The following LVRN variants were observed in gnomAD, a reference collection of about 807,000 sequenced individuals.
The protein encoded by LVRN is aminopeptidase Q.
Under a neutral mutation model 111.4 loss-of-function variants are expected in LVRN, and 99 were observed. That is an observed-to-expected ratio of 0.89 (90% CI 0.76 to 1.05). The LOEUF (loss-of-function observed/expected upper bound fraction) is 1.05. LVRN is among the 50% of genes least tolerant of loss of function. The pLI, the probability that LVRN is intolerant of heterozygous loss-of-function variation, is 0.00. For synonymous variants in LVRN, 488 were observed against 449.5 expected (o/e 1.09, Z -1.08); for missense variants, 1,414 against 1,206.8 (o/e 1.17, Z -2.54).
rs1035150738 is a variant in LVRN, at chr5:116,011,308, A to G, written c.2247+414A>G. On this transcript the variant is annotated intron_variant, in intron 14 of 19. Transcript: ENST00000357872. Reference sequence around the variant, plus strand: ...GTTTATAATTTCAATATTCTGACTCATAGGAACAGCACTTAAATCCAGAGA... The same window carrying G: ...GTTTATAATTTCAATATTCTGACTCGTAGGAACAGCACTTAAATCCAGAGA... Among the ~76,000 whole-genome samples the G allele has an allele frequency of 2.6e-5, 4 of 152,036 alleles. No individual in the cohort carries two copies. The East Asian group carries it at 7.7e-4, about 29-fold the overall frequency.
chr5:115,987,791 C>T (rs1217039541), intron 3 of LVRN, 22 bp from the exon 4 acceptor site: 2 of 1,604,556 alleles, frequency 1.2e-6, no homozygotes, highest in African/African-American at 2.7e-5. Flanking sequence ...TTCCTAATCA[C>T]TGCTTAACTG....
chr5:115,978,391 A>G (rs1054838104), intron 1 of LVRN, among the ~76,000 whole-genome samples: 1 of 152,220 alleles, frequency 6.6e-6, no homozygotes, highest in African/African-American at 2.4e-5. Flanking sequence ...ATATTGAAAA[A>G]GCATAGCTTA....
intron 6 of LVRN, among the ~76,000 whole-genome samples, chr5:115,994,679 T>G (rs968615004): frequency 6.6e-6 from 1 of 152,222 alleles, no homozygotes; most frequent in Admixed American, 6.6e-5. Context: ...TTTGCTAATT[T>G]GAGTAAATAA....
intron 1 of LVRN, among the ~76,000 whole-genome samples, chr5:115,969,826 A>G (rs1753284489): frequency 1.3e-5 from 2 of 150,964 alleles, no homozygotes; most frequent in East Asian, 1.9e-4. Context: ...AAGATATTAT[A>G]ATTTTTATCT....
chr5:116,010,900 T>G lies in LVRN; in HGVS notation c.2247+6T>G. ...ATATATACTCATTATTAAAGGTAAT[T>G]TCATTCTTTCTTATGTAGTTTTTAA... On this transcript the variant is annotated splice_donor_region_variant and intron_variant, in intron 14 of 19. Transcript: ENST00000357872. The G allele has an allele frequency of 6.5e-7, 1 of 1,544,970 alleles. No homozygotes were observed. Among genetic ancestry groups the G allele is most frequent in the Middle Eastern group, 2.0e-4 (1 of 4,964 alleles).
At chr5:116,003,183 A>G (rs887128854) in intron 11 of LVRN, 58 bp from the exon 12 acceptor site, 12 of 1,415,808 alleles carry the variant, frequency 8.5e-6, no homozygotes, top group African/African-American at 1.5e-5. Flanking sequence ...TAGTATTAAT[A>G]GGTATTAAGA....
chr5:115,964,574 A>G (rs565048004), intron 1 of LVRN, among the ~76,000 whole-genome samples: 2 of 151,756 alleles, frequency 1.3e-5, no homozygotes, highest in Admixed American at 1.3e-4. Context: ...AGGAAAAAAT[A>G]GAAACACTTC....
At chr5:115,995,019 C>T (rs1392786097) in intron 6 of LVRN, among the ~76,000 whole-genome samples, 1 of 152,100 alleles carries the variant, frequency 6.6e-6, no homozygotes, top group Non-Finnish European at 1.5e-5. Context: ...CCAGTTGTTC[C>T]AAGGCTGGAT....
intron 1 of LVRN, among the ~76,000 whole-genome samples, chr5:115,965,920 G>A (rs955860751): frequency 6.6e-6 from 1 of 152,062 alleles, no homozygotes; most frequent in Non-Finnish European, 1.5e-5. Flanking sequence ...CTTCATAGCA[G>A]CATGAGTACG....
Position 115,992,171 on chromosome 5 carries a change from G to T in LVRN, c.1154G>T (p.Gly385Val), listed in dbSNP as rs776132785. ...GACAACCATGCAATGGAAAACTGGG[G>T]ACTAATGATATTTGATGAATCAGGA... is the stretch of plus-strand genomic sequence containing the variant. ...SFDNHAMENW[G>V]LMIFDESGLL... The change falls in exon 5 of 20, where the codon GGA becomes GTA. Residue 385 changes from glycine to valine, a missense_variant. By Grantham distance (109) the Gly-to-Val change is moderately radical. Coordinates refer to ENST00000357872, the MANE Select transcript of LVRN (RefSeq NM_173800.5). The T allele has an allele frequency of 3.1e-6, 5 of 1,613,680 alleles. No homozygotes were observed. The African/African-American group carries it at 5.3e-5, about 17-fold the overall frequency.
At chr5:115,999,721 A>T in intron 6 of LVRN, 41 bp from the exon 7 acceptor site, 1 of 1,598,008 alleles carries the variant, frequency 6.3e-7, no homozygotes, top group East Asian at 2.2e-5. Flanking sequence ...GTCTTCTGTG[A>T]CACCTCAGGA....
At chr5:115,980,777 AT>A (rs1040165489) in intron 1 of LVRN, among the ~76,000 whole-genome samples, 10 of 152,052 alleles carry the variant, frequency 6.6e-5, no homozygotes, top group African/African-American at 2.4e-4. Context: ...ATGAGCATGT[AT>A]TTTTTAATAT....
At chr5:116,005,445 G>A (rs889137738) in intron 12 of LVRN, among the ~76,000 whole-genome samples, 5 of 152,188 alleles carry the variant, frequency 3.3e-5, no homozygotes, top group Admixed American at 6.5e-5. Context: ...ATTCTGTCAC[G>A]TTAGTAAAAT....
chr5:116,015,675 C>A lies in LVRN; in HGVS notation c.2666C>A (p.Thr889Lys). Residue 889 changes from threonine to lysine, a missense_variant, in exon 18 of 20, where the codon ACA becomes AAA. Transcript: ENST00000357872. ...ISTSPFTSNETNIIEVVASSE... is the reference protein window; with the variant it reads ...ISTSPFTSNEKNIIEVVASSE... ...ACATCTCCATTCACTTCTAATGAAA[C>A]AAATATAATTGAGGTTGTGGCTTCA... is the stretch of plus-strand genomic sequence containing the variant. 1 of 1,613,216 alleles carries A rather than the reference C, an allele frequency of 6.2e-7. No individual in the cohort carries two copies. Among genetic ancestry groups the A allele is most frequent in the Non-Finnish European group, 8.5e-7 (1 of 1,179,506 alleles).
intron 4 of LVRN, 104 bp from the exon 5 acceptor site, chr5:115,992,019 C>T (rs62386564): frequency 0.071 from 77,339 of 1,089,370 alleles, 3,317 homozygotes; most frequent in Non-Finnish European, 0.085. Context: ...ATAAATATTC[C>T]CTTGAATTTT....
chr5:116,006,763 C>T (rs1015404874), intron 13 of LVRN, among the ~76,000 whole-genome samples: 1 of 152,126 alleles, frequency 6.6e-6, no homozygotes, highest in African/African-American at 2.4e-5. Context: ...ATGTAAGGTC[C>T]TCAGTAAATG....
At chr5:115,988,207 G>A (rs755220934) in intron 4 of LVRN, among the ~76,000 whole-genome samples, 13 of 152,154 alleles carry the variant, frequency 8.5e-5, no homozygotes, top group South Asian at 4.1e-4. Flanking sequence ...GCAGCCTCCC[G>A]TCCTCTAGAC....
At chr5:116,020,540 A>T (rs73783060) in intron 18 of LVRN, among the ~76,000 whole-genome samples, 8,023 of 152,306 alleles carry the variant, frequency 0.053, 595 homozygotes, top group African/African-American at 0.16. Context: ...GTTATTATAT[A>T]GCCTAAAGTC....
rs370891912 is a variant in LVRN at position 115,992,191 on chromosome 5, T to A, written c.1174T>A (p.Ser392Thr). The A allele has an allele frequency of 1.9e-6, 3 of 1,613,994 alleles. No homozygotes were observed. The highest frequency in any genetic ancestry group is 1.1e-5 in the South Asian group (1 of 91,080). ...ENWGLMIFDE[S>T]GLLLEPKDQL... ...CTGGGGACTAATGATATTTGATGAATCAGGATTGTTGTTGGAACCAAAAGA... is the reference window on the plus strand; with the variant it reads ...CTGGGGACTAATGATATTTGATGAAACAGGATTGTTGTTGGAACCAAAAGA... The change falls in exon 5 of 20, where the codon TCA becomes ACA. Residue 392 changes from serine to threonine, a missense_variant. Transcript: ENST00000357872.
Sources: allele counts gnomAD v4.1 joint callset (sites outside exome capture counted in the v4.1 genomes callset), GRCh38; gene constraint gnomAD v4.1.1; transcripts MANE v1.5; gene names NCBI Gene and HGNC (gene_info 2026-07-23, HGNC 2026-07-21).